The following LYZ variants were observed in gnomAD, a reference collection of about 807,000 sequenced individuals.
The protein encoded by LYZ is lysozyme C.
LYZ carries 18 observed loss-of-function variants against 15.8 expected under a neutral mutation model. That is an observed-to-expected ratio of 1.14 (90% confidence interval 0.79 to 1.69). LYZ has a LOEUF of 1.69. LYZ is among the 40% of genes most tolerant of loss of function. The pLI is 0.00. For synonymous variants in LYZ, 60 were observed against 61.7 expected (o/e 0.97, Z 0.13); for missense variants, 139 against 182.8 (o/e 0.76, Z 1.38).
intron 1 of LYZ, among the ~76,000 whole-genome samples, chr12:69,349,463 T>A (rs574013064): frequency 3.9e-5 from 6 of 152,262 alleles, no homozygotes; most frequent in Admixed American, 1.3e-4. Flanking sequence ...ATTAACTATC[T>A]TTCATTTTCT....
At position 69,353,962 on chromosome 12, in the gene LYZ, A is replaced by AAT. The variant is rs1192395612; in HGVS notation, c.*745_*746dup. The AAT allele has an allele frequency of 3.9e-5, 6 of 152,172 alleles. No individual in the cohort carries two copies. Among genetic ancestry groups the AAT allele is most frequent in the Non-Finnish European group, 7.3e-5 (5 of 68,030 alleles). The allele number at this position is 152,172 out of a possible 1,614,324, so 9.4% of individuals were successfully genotyped here. A position where few individuals can be genotyped will look rare whatever the true frequency, so the allele number is the denominator to read the frequency against. On this transcript the variant is annotated 3_prime_UTR_variant, in exon 4 of 4. Coordinates refer to ENST00000261267, the MANE Select transcript of LYZ (RefSeq NM_000239.3). ...TTCAGTCATCTCCAAAAACAGTAAA[A>AAT]ATAACCACTTTTTGTTGGGCAATAT...
rs183616345 is a variant in LYZ at position 69,354,049 on chromosome 12, G to T, written c.*830G>T. 3.3e-5 allele frequency: 5 copies of T among 152,164 alleles called. No individual in the cohort carries two copies. The highest frequency in any genetic ancestry group is 3.3e-4 in the Admixed American group (5 of 15,288). 9.4% of individuals were successfully genotyped at this position (152,164 alleles called of 1,614,324 possible). ...ACAGACTGCCTGAATTGAGAATTTT[G>T]ATTTCTTAAAGTGTGTTTCTTTCTA... On this transcript the variant is annotated 3_prime_UTR_variant, in exon 4 of 4. Coordinates refer to ENST00000261267, the MANE Select transcript of LYZ (RefSeq NM_000239.3).
chr12:69,352,143 CAG>C, intron 2 of LYZ, 75 bp from the exon 3 acceptor site: 1 of 943,352 alleles, frequency 1.1e-6, no homozygotes, highest in Non-Finnish European at 1.7e-6. Flanking sequence ...CACAGCCTAA[CAG>C]AAAAAAGCTG....
intron 3 of LYZ, among the ~76,000 whole-genome samples, chr12:69,352,648 T>C (rs1221416014): frequency 1.3e-5 from 2 of 152,164 alleles, no homozygotes; most frequent in African/African-American, 4.8e-5. Context: ...CCGAGGCAGA[T>C]GGATCACCTG....
intron 3 of LYZ, 61 bp downstream of exon 3, chr12:69,352,359 A>G: frequency 7.1e-7 from 1 of 1,401,936 alleles, no homozygotes; most frequent in South Asian, 1.2e-5. Context: ...ATACAATGAG[A>G]GCAGACTTTT....
chr12:69,351,698 G>T (rs981239265), intron 2 of LYZ, among the ~76,000 whole-genome samples: 1 of 151,800 alleles, frequency 6.6e-6, no homozygotes, highest in African/African-American at 2.4e-5. Context: ...ATGATCTTTT[G>T]CTCCATTTTC....
chr12:69,350,978 C>G (rs896849935), intron 2 of LYZ, among the ~76,000 whole-genome samples: 52 of 151,452 alleles, frequency 3.4e-4, no homozygotes, highest in African/African-American at 1.3e-3. Flanking sequence ...TCTGTGTTGC[C>G]CAGGCTGGTC....
At chr12:69,350,718 A>G (rs1178078300) in intron 2 of LYZ, among the ~76,000 whole-genome samples, 2 of 104,878 alleles carry the variant, frequency 1.9e-5, no homozygotes, top group African/African-American at 7.7e-5. Flanking sequence ...ACATTTTGCC[A>G]TAGTTGCTTC....
intron 1 of LYZ, 35 bp from the exon 2 acceptor site, chr12:69,350,072 TG>T: frequency 6.3e-7 from 1 of 1,590,862 alleles, no homozygotes; most frequent in South Asian, 1.1e-5. Flanking sequence ...AGTCACTTAG[TG>T]TTGCTGTTTA....
chr12:69,348,596 C>G, intron 1 of LYZ, 52 bp downstream of exon 1: 2 of 1,604,484 alleles, frequency 1.2e-6, no homozygotes, highest in Non-Finnish European at 1.7e-6. Context: ...GGAACAGACA[C>G]TAGGAGAGAA....
intron 1 of LYZ, among the ~76,000 whole-genome samples, chr12:69,349,885 GTATGT>G (rs1874802680): frequency 6.6e-6 from 1 of 152,150 alleles, no homozygotes; most frequent in Non-Finnish European, 1.5e-5. Flanking sequence ...TATTTTAAAA[GTATGT>G]TATATTGTTC....
At chr12:69,348,649 C>A in intron 1 of LYZ, 105 bp downstream of exon 1, 1 of 1,389,802 alleles carries the variant, frequency 7.2e-7, no homozygotes, top group Non-Finnish European at 1.0e-6. Context: ...TGTTTTATTT[C>A]TTTGTGGGTT....
Position 69,353,324 on chromosome 12 carries a change from A to G in LYZ, c.*105A>G. 1.1e-6 allele frequency: 1 copy of G among 937,166 alleles called. No homozygotes were observed. The allele number at this position is 937,166 out of a possible 1,614,324, so 58.1% of individuals were successfully genotyped here. On this transcript the variant is annotated 3_prime_UTR_variant, in exon 4 of 4. Coordinates refer to ENST00000261267, the MANE Select transcript of LYZ (RefSeq NM_000239.3). Reference sequence around the variant, plus strand: ...ATTATTTCCCCTTCAAACAAATAATATTTTTACAGAAGCAGGAGCAAAATA... The same window carrying G: ...ATTATTTCCCCTTCAAACAAATAATGTTTTTACAGAAGCAGGAGCAAAATA...
Position 69,353,497 on chromosome 12 carries a change from CT to C in LYZ, c.*289del, listed in dbSNP as rs71094709. The stretch of plus-strand genomic sequence containing the variant: ...AAATACATCTCCAGTACATTCCGTT[CT>C]TTTTTTTTTTGAGACAGTCTCGCTC... On this transcript the variant is annotated 3_prime_UTR_variant, in exon 4 of 4. Transcript: ENST00000261267. The C allele has an allele frequency of 0.011, 3,359 of 297,694 alleles. No individual in the cohort carries two copies. Among genetic ancestry groups the C allele is most frequent in the Middle Eastern group, 0.019 (16 of 846 alleles). 18.4% of individuals were successfully genotyped at this position (297,694 alleles called of 1,614,324 possible). A position where few individuals can be genotyped will look rare whatever the true frequency, so the allele number is the denominator to read the frequency against.
Position 69,353,412 on chromosome 12 carries a change from AT to A in LYZ, c.*198del, listed in dbSNP as rs1379466448. Reference sequence around the variant, plus strand: ...GGTTATTTTACATTAAGCCTACAACATTTTTCAGTTTGCAAATAGAACTAAT... The same window carrying A: ...GGTTATTTTACATTAAGCCTACAACATTTTCAGTTTGCAAATAGAACTAAT... On this transcript the variant is annotated 3_prime_UTR_variant, in exon 4 of 4. Coordinates refer to ENST00000261267, the MANE Select transcript of LYZ (RefSeq NM_000239.3). 9.4e-6 allele frequency: 6 copies of A among 641,370 alleles called. No individual in the cohort carries two copies. The highest frequency in any genetic ancestry group is 1.7e-5 in the Non-Finnish European group (6 of 359,028). 39.7% of individuals were successfully genotyped at this position (641,370 alleles called of 1,614,324 possible).
intron 2 of LYZ, among the ~76,000 whole-genome samples, chr12:69,351,336 T>G (rs905613124): frequency 1.3e-5 from 2 of 151,708 alleles, no homozygotes; most frequent in Non-Finnish European, 2.9e-5. Context: ...AAATTCCCAA[T>G]AAAGAACATT....
chr12:69,352,689 C>A (rs931537979), intron 3 of LYZ, among the ~76,000 whole-genome samples: 1 of 152,182 alleles, frequency 6.6e-6, no homozygotes, highest in East Asian at 1.9e-4. Context: ...GCCTGCCTAA[C>A]ATGGCAAAAC....
intron 3 of LYZ, 55 bp downstream of exon 3, chr12:69,352,353 A>G (rs1874860493): frequency 7.1e-7 from 1 of 1,418,024 alleles, no homozygotes; most frequent in South Asian, 1.2e-5. Flanking sequence ...TGATATATAC[A>G]ATGAGAGCAG....
At chr12:69,350,839 G>A (rs2120829367) in intron 2 of LYZ, among the ~76,000 whole-genome samples, 1 of 144,194 alleles carries the variant, frequency 6.9e-6, no homozygotes, top group East Asian at 2.1e-4. Context: ...CCAGGCTGTA[G>A]TGCAGTGGCA....
Sources: gnomAD v4.1 joint callset for allele counts (sites outside exome capture counted in the v4.1 genomes callset) on GRCh38, gnomAD v4.1.1 for gene constraint, MANE v1.5 for transcripts, NCBI Gene and HGNC (gene_info 2026-07-23, HGNC 2026-07-21) for gene names.